NCKAP5: variants seen among roughly 807,000 people sequenced by gnomAD.
NCKAP5 encodes the protein NCK associated protein 5, also known as nck-associated protein 5.
NCKAP5 carries 92 observed loss-of-function variants against 167.0 expected under a neutral mutation model. That is an observed-to-expected ratio of 0.55 (90% CI 0.47 to 0.66). NCKAP5 has a LOEUF of 0.66. Ranked by LOEUF, NCKAP5 falls within the 30% of genes least tolerant of loss-of-function variation. The pLI, the probability that NCKAP5 is intolerant of heterozygous loss-of-function variation, is 0.00. For missense variants in NCKAP5, 2,378 were observed against 2,315.0 expected (o/e 1.03, Z -0.56); for synonymous variants, 891 against 877.4 (o/e 1.02, Z -0.27).
At chr2:133,549,045 A>C (rs1477040775) in intron 2 of NCKAP5, among the ~76,000 whole-genome samples, 36 of 151,704 alleles carry the variant, frequency 2.4e-4, no homozygotes, top group Admixed American at 1.9e-3. Context: ...TCTACCAAGC[A>C]AATGGAAAAC....
At chr2:132,688,738 T>C (rs1686300750) in intron 19 of NCKAP5, among the ~76,000 whole-genome samples, 1 of 152,002 alleles carries the variant, frequency 6.6e-6, no homozygotes, top group Non-Finnish European at 1.5e-5. Flanking sequence ...AAAAGCCTCT[T>C]TGCTTGTGAG....
At chr2:133,532,044 C>T (rs745344758) in intron 2 of NCKAP5, among the ~76,000 whole-genome samples, 6 of 152,120 alleles carry the variant, frequency 3.9e-5, no homozygotes, top group East Asian at 1.9e-4. Flanking sequence ...AAACCTAGAA[C>T]GATATACAGC....
At chr2:133,154,334 T>C (rs1355704290) in intron 5 of NCKAP5, among the ~76,000 whole-genome samples, 1 of 152,344 alleles carries the variant, frequency 6.6e-6, no homozygotes, top group South Asian at 2.1e-4. Context: ...TGTGAACAAC[T>C]CTCACAAATG....
chr2:132,963,755 T>G lies in NCKAP5; in HGVS notation c.544A>C (p.Thr182Pro), dbSNP rs772040540. The G allele has an allele frequency of 6.2e-7, 1 of 1,613,958 alleles. No individual in the cohort carries two copies. Among genetic ancestry groups the G allele is most frequent in the South Asian group, 1.1e-5 (1 of 91,076 alleles). The change falls in exon 8 of 20, where the codon ACC becomes CCC. Residue 182 changes from threonine to proline, a missense_variant. This residue lies in a region of NCKAP5 where 1,049 missense variants were observed against 1,023.4 expected (regional missense o/e 1.02). Coordinates refer to ENST00000409261, the MANE Select transcript of NCKAP5 (RefSeq NM_207363.3). ...SSSTDEGKEK[T>P]KLLLERLKAL... ...TTCAATCTCTCTAATAGCAATTTGG[T>G]CTTTTCTTTTCCCTCATCTGTACTG...
intron 8 of NCKAP5, among the ~76,000 whole-genome samples, chr2:132,959,227 A>G (rs6721882): frequency 0.049 from 7,477 of 152,074 alleles, 557 homozygotes; most frequent in African/African-American, 0.17. Context: ...GCTTATGCAC[A>G]GCACTGTAAT....
chr2:133,561,951 G>A (rs867817040), intron 1 of NCKAP5, among the ~76,000 whole-genome samples: 5 of 152,016 alleles, frequency 3.3e-5, no homozygotes, highest in Non-Finnish European at 5.9e-5. Context: ...TTGACTCAAC[G>A]TAAACAATAT....
At chr2:133,270,013 G>T (rs956993659) in intron 4 of NCKAP5, among the ~76,000 whole-genome samples, 1 of 152,116 alleles carries the variant, frequency 6.6e-6, no homozygotes, top group Non-Finnish European at 1.5e-5. Flanking sequence ...AAAGACTATG[G>T]GTGGAGCAAA....
At chr2:133,328,292 T>C (rs1488005273) in intron 3 of NCKAP5, among the ~76,000 whole-genome samples, 1 of 152,140 alleles carries the variant, frequency 6.6e-6, no homozygotes, top group Non-Finnish European at 1.5e-5. Context: ...CATTTTCAGA[T>C]GGAGAATAGA....
At chr2:132,910,842 A>T (rs1489015085) in intron 8 of NCKAP5, among the ~76,000 whole-genome samples, 2 of 152,238 alleles carry the variant, frequency 1.3e-5, no homozygotes, top group Non-Finnish European at 2.9e-5. Context: ...TGTACCAAAC[A>T]ATGGCCAAAG....
At chr2:133,623,847 G>A in the NCKAP5 span, among the ~76,000 whole-genome samples, 1 of 152,122 alleles carries the variant, frequency 6.6e-6, no homozygotes, top group Non-Finnish European at 1.5e-5. Context: ...GCACACACAT[G>A]TTCACTGCAG....
At chr2:132,995,275 A>G (rs1281665018) in intron 6 of NCKAP5, among the ~76,000 whole-genome samples, 1 of 152,228 alleles carries the variant, frequency 6.6e-6, no homozygotes, top group Non-Finnish European at 1.5e-5. Context: ...AATGACATTT[A>G]TCTTAAAACA....
chr2:133,219,265 C>T (rs989408890), intron 4 of NCKAP5, among the ~76,000 whole-genome samples: 3 of 152,188 alleles, frequency 2.0e-5, no homozygotes, highest in African/African-American at 4.8e-5. Context: ...GCTAGCCTTC[C>T]GTATCGACAA....
chr2:133,054,269 G>T (rs1550243), intron 6 of NCKAP5, among the ~76,000 whole-genome samples: 3 of 151,974 alleles, frequency 2.0e-5, no homozygotes, highest in African/African-American at 7.2e-5. Context: ...CAATATGATG[G>T]TATGTTACCT....
intron 8 of NCKAP5, among the ~76,000 whole-genome samples, chr2:132,937,553 T>A (rs1696949023): frequency 6.6e-6 from 1 of 152,126 alleles, no homozygotes; most frequent in South Asian, 2.1e-4. Context: ...ATTCTAAAAC[T>A]CATACGTTAG....
chr2:132,930,068 C>G (rs1253963702), intron 8 of NCKAP5: 1 of 152,180 alleles, frequency 6.6e-6, no homozygotes, highest in Admixed American at 6.5e-5. Context: ...CTTGCAGAGA[C>G]TACTTCCAAC....
chr2:133,030,015 G>A (rs1302041519), intron 6 of NCKAP5, among the ~76,000 whole-genome samples: 1 of 152,196 alleles, frequency 6.6e-6, no homozygotes, highest in Non-Finnish European at 1.5e-5. Context: ...GCAGCTGTCA[G>A]TGCAAACAGG....
At chr2:133,176,849 T>A (rs2084482943) in intron 5 of NCKAP5, among the ~76,000 whole-genome samples, 1 of 152,200 alleles carries the variant, frequency 6.6e-6, no homozygotes, top group East Asian at 1.9e-4. Flanking sequence ...CCATCTAAAC[T>A]ATTCAGACTC....
chr2:132,781,030 A>T (rs764455916), intron 15 of NCKAP5, 22 bp downstream of exon 15: 8 of 1,609,734 alleles, frequency 5.0e-6, no homozygotes, highest in Non-Finnish European at 6.8e-6. Flanking sequence ...AGCACTTGAT[A>T]CCAGGATGGT....
intron 11 of NCKAP5, among the ~76,000 whole-genome samples, chr2:132,811,939 G>A (rs1470790984): frequency 6.6e-6 from 1 of 152,164 alleles, no homozygotes; most frequent in Non-Finnish European, 1.5e-5. Context: ...CAAGCTCCCA[G>A]GGCCTTTCTG....
Sources: allele counts gnomAD v4.1 joint callset (sites outside exome capture counted in the v4.1 genomes callset), GRCh38; gene constraint gnomAD v4.1.1; regional missense constraint gnomAD v4.1.1; transcripts MANE v1.5; gene names NCBI Gene and HGNC (gene_info 2026-07-23, HGNC 2026-07-21).